The following PXDN variants were observed in gnomAD, a reference collection of about 807,000 sequenced individuals.
PXDN encodes peroxidasin homolog.
A neutral mutation model predicts 140.3 loss-of-function variants in PXDN; 77 were observed. The ratio of observed to expected loss-of-function variants is 0.55; its 90% CI spans 0.46 to 0.66. The LOEUF is 0.66. Among genes scored for constraint, PXDN ranks in the 30% least tolerant of loss-of-function variants. The pLI, the probability that PXDN is intolerant of heterozygous loss-of-function variation, is 0.00. For missense variants in PXDN, 1,838 were observed against 2,039.5 expected (o/e 0.90, Z 1.90); for synonymous variants, 911 against 857.4 (o/e 1.06, Z -1.09).
chr2:1,677,104 A>G, intron 7 of PXDN, 60 bp from the exon 8 acceptor site: 1 of 1,413,272 alleles, frequency 7.1e-7, no homozygotes, highest in South Asian at 1.4e-5. Flanking sequence ...AAAATAAATG[A>G]CAACACACGC....
intron 1 of PXDN, among the ~76,000 whole-genome samples, chr2:1,739,985 G>C (rs1200863024): frequency 6.6e-6 from 1 of 152,248 alleles, no homozygotes; most frequent in Non-Finnish European, 1.5e-5. Flanking sequence ...GACTGTCCCA[G>C]CAGACGCATC....
chr2:1,710,683 CACTCTAT>C (rs1684739562), intron 1 of PXDN, among the ~76,000 whole-genome samples: 1 of 147,350 alleles, frequency 6.8e-6, no homozygotes, highest in Non-Finnish European at 1.5e-5. Context: ...TACCAGCACC[CACTCTAT>C]GAACACCCAC....
chr2:1,660,057 G>A lies in PXDN; in HGVS notation c.1837+824C>T, dbSNP rs1481012779. ...AGGGGGGTTTGTGCGCGTTCTCAGA[G>A]TGTTGCTAACTCTAGGGGGACAGAG... On this transcript the variant is annotated intron_variant, in intron 14 of 22. Coordinates refer to ENST00000252804, the MANE Select transcript of PXDN (RefSeq NM_012293.3). The surrounding 1 kb of genome is among the most constrained non-coding windows in gnomAD (Gnocchi z 4.6). 3.3e-5 allele frequency among the ~76,000 whole-genome samples: 5 copies of A among 152,196 alleles called. No homozygotes were observed. Among genetic ancestry groups the A allele is most frequent in the Non-Finnish European group, 5.9e-5 (4 of 68,044 alleles).
At position 1,639,299 on chromosome 2, in the gene PXDN, T is replaced by C. The variant is rs1281354640; in HGVS notation, c.4073+3A>G. 37 of 1,611,686 alleles carry C rather than the reference T, an allele frequency of 2.3e-5. No individual in the cohort carries two copies. The highest frequency in any genetic ancestry group is 3.1e-5 in the Non-Finnish European group (36 of 1,178,846). On this transcript the variant is annotated splice_donor_region_variant and intron_variant, in intron 20 of 22. Coordinates refer to ENST00000252804, the MANE Select transcript of PXDN (RefSeq NM_012293.3). The surrounding 1 kb of genome is among the most constrained non-coding windows in gnomAD (Gnocchi z 5.0). ...CATCATTTGACCTCAGAGACCACCA[T>C]ACCTGGGTATTTTCCGTGGTCTTGT...
At chr2:1,691,742 A>G (rs1276358052) in intron 3 of PXDN, among the ~76,000 whole-genome samples, 186 bp downstream of exon 3, 3 of 152,228 alleles carry the variant, frequency 2.0e-5, no homozygotes, top group Non-Finnish European at 4.4e-5. Flanking sequence ...CACATAATGT[A>G]GCACTTTATA....
In PXDN at chr2:1,688,756, T is replaced by G. The variant is rs372561648; in HGVS notation, c.345-1053A>C. Among the ~76,000 whole-genome samples, 34 of 152,172 alleles carry G rather than the reference T, an allele frequency of 2.2e-4. No individual in the cohort carries two copies. In the East Asian group the frequency reaches 2.3e-3, roughly 10 times the overall value. ...TACTTTTCAAATTCAGGCAGACACGTCTCTTCAAAATTGATTACTTATGCC... is the reference window on the plus strand; with the variant it reads ...TACTTTTCAAATTCAGGCAGACACGGCTCTTCAAAATTGATTACTTATGCC... On this transcript the variant is annotated intron_variant, in intron 3 of 22. Coordinates refer to ENST00000252804, the MANE Select transcript of PXDN (RefSeq NM_012293.3).
Position 1,744,508 on chromosome 2 carries a change from C to A in PXDN, c.-53G>T, listed in dbSNP as rs1265751396. On this transcript the variant is annotated 5_prime_UTR_variant, in exon 1 of 23. Coordinates refer to ENST00000252804, the MANE Select transcript of PXDN (RefSeq NM_012293.3). ...CGCACGGAGCCACCACGGCCGGCTC[C>A]CGACTGCGCCCGCCCGGCCGCGGCC... 6.8e-6 allele frequency: 9 copies of A among 1,315,358 alleles called. No individual in the cohort carries two copies. The African/African-American group carries it at 1.4e-4, about 21-fold the overall frequency. The allele number at this position is 1,315,358 out of a possible 1,614,324, so 81.5% of individuals were successfully genotyped here. A position where few individuals can be genotyped will look rare whatever the true frequency, so the allele number is the denominator to read the frequency against.
chr2:1,653,188 A>G (rs1683053486), intron 16 of PXDN: 1 of 297,372 alleles, frequency 3.4e-6, no homozygotes, highest in African/African-American at 2.2e-5. Flanking sequence ...TGATCTCATC[A>G]GCTGGTTTCA....
rs949156715 is a variant in PXDN, at chr2:1,649,251, G to A, written c.2529C>T (p.Asp843=). 1.5e-5 allele frequency: 25 copies of A among 1,613,008 alleles called. No homozygotes were observed. The highest frequency in any genetic ancestry group is 4.0e-5 in the African/African-American group (3 of 74,936). The change falls in exon 17 of 23, where the codon GAC becomes GAT. Residue 843 remains aspartate (D), a synonymous_variant. Transcript: ENST00000252804. The surrounding 1 kb of genome is among the most constrained non-coding windows in gnomAD (Gnocchi z 7.1). The stretch of plus-strand genomic sequence containing the variant: ...TGCACACGTTGCTGCAGTGCTGTCC[G>A]TCGGAGAAGCGTGCCTGGCTCAGGG... ...VVALSQARFS[D]GQHCSNVCSN... is the part of the protein sequence containing the mutation.
In PXDN at chr2:1,729,498, C is replaced by T. The variant is rs577445685; in HGVS notation, c.200+14758G>A. On this transcript the variant is annotated intron_variant, in intron 1 of 22. Transcript: ENST00000252804. ...CAGGAAGAAAACACAACAGGGAAAGCCCACCGTAGGCCAACCACCATCCCT... is the reference window on the plus strand; with the variant it reads ...CAGGAAGAAAACACAACAGGGAAAGTCCACCGTAGGCCAACCACCATCCCT... 2.8e-4 allele frequency among the ~76,000 whole-genome samples: 42 copies of T among 152,142 alleles called. 1 individual carries two copies. The highest frequency in any genetic ancestry group is 2.5e-3 in the Admixed American group (38 of 15,284).
intron 1 of PXDN, among the ~76,000 whole-genome samples, chr2:1,728,073 G>A (rs1292463046): frequency 6.6e-6 from 1 of 152,124 alleles, no homozygotes; most frequent in African/African-American, 2.4e-5. Flanking sequence ...TGAGTAGCCA[G>A]GACTACAGGC....
intron 1 of PXDN, among the ~76,000 whole-genome samples, chr2:1,713,990 G>T (rs766819294): frequency 5.3e-5 from 8 of 151,566 alleles, no homozygotes; most frequent in East Asian, 1.9e-4. Flanking sequence ...GGTCTCAAGG[G>T]ACAGTGAAGT....
Position 1,691,940 on chromosome 2 carries a change from T to A in PXDN, c.332A>T (p.Asn111Ile). The change falls in exon 3 of 23, where the codon AAT becomes ATT. Residue 111 changes from asparagine (N) to isoleucine (I), a missense_variant. Transcript: ENST00000252804. ...ATCATTAACTTACAGATATTTTAAA[T>A]TTTCCAAGTCTTCAAATGCTCCACT... ...IPSGAFEDLE[N>I]LKYLYLYKNE... is the part of the protein sequence containing the mutation. 2 of 1,505,936 alleles carry A rather than the reference T, an allele frequency of 1.3e-6. No homozygotes were observed. Among genetic ancestry groups the A allele is most frequent in the African/African-American group, 2.8e-5 (2 of 71,570 alleles). The allele number at this position is 1,505,936 out of a possible 1,614,324, so 93.3% of individuals were successfully genotyped here.
intron 1 of PXDN, among the ~76,000 whole-genome samples, chr2:1,728,976 G>A (rs1337667720): frequency 1.3e-5 from 2 of 152,144 alleles, no homozygotes; most frequent in African/African-American, 2.4e-5. Context: ...GCTCCGCCCC[G>A]GGGAACAGCA....
At chr2:1,637,233 G>T (rs1356363601) in intron 21 of PXDN, among the ~76,000 whole-genome samples, 2 of 152,168 alleles carry the variant, frequency 1.3e-5, no homozygotes, top group Non-Finnish European at 2.9e-5. Context: ...CCCCCCTAGG[G>T]CACCCAGGCC....
chr2:1,653,596 A>C (rs777088995), intron 16 of PXDN, 32 bp downstream of exon 16: 2 of 1,609,220 alleles, frequency 1.2e-6, no homozygotes, highest in South Asian at 2.2e-5. Context: ...TACTCAGGCC[A>C]TGGAGGAGGA....
At chr2:1,720,503 T>C (rs1040009236) in intron 1 of PXDN, among the ~76,000 whole-genome samples, 1 of 151,994 alleles carries the variant, frequency 6.6e-6, no homozygotes, top group African/African-American at 2.4e-5. Flanking sequence ...TGGTGGTGGC[T>C]TGGCAAGTCC....
At chr2:1,670,533 C>A (rs956209841) in intron 9 of PXDN, among the ~76,000 whole-genome samples, 3 of 152,114 alleles carry the variant, frequency 2.0e-5, no homozygotes, top group Non-Finnish European at 4.4e-5. Context: ...AATATGTAAG[C>A]TGTGTTAATC....
intron 1 of PXDN, among the ~76,000 whole-genome samples, chr2:1,723,053 T>C (rs1572194458): frequency 3.3e-5 from 5 of 152,294 alleles, no homozygotes; most frequent in Admixed American, 3.3e-4. Flanking sequence ...AATGGACAGA[T>C]GAATGAATGG....
Sources: gnomAD v4.1 joint callset for allele counts (sites outside exome capture counted in the v4.1 genomes callset) on GRCh38, gnomAD v4.1.1 for gene constraint, Gnocchi (gnomAD v3.1) non-coding constraint, MANE v1.5 for transcripts, NCBI Gene and HGNC (gene_info 2026-07-23, HGNC 2026-07-21) for gene names.